Variants in ASH1L observed in about 807,000 individuals in gnomAD.
ASH1L encodes the protein histone-lysine N-methyltransferase ASH1L.
In ASH1L, 23 loss-of-function variants were observed where a neutral mutation model predicts 269.0. That is an observed-to-expected ratio of 0.09 (90% CI 0.06 to 0.12). The LOEUF (loss-of-function observed/expected upper bound fraction) is 0.12. ASH1L is among the 10% of genes least tolerant of loss of function. The probability of loss-of-function intolerance (pLI) is 1.00; values close to 1 mark genes in which losing one functional copy is unlikely to be tolerated. For missense variants in ASH1L, 2,912 were observed against 3,567.8 expected (o/e 0.82, Z 4.68); for synonymous variants, 1,187 against 1,253.5 (o/e 0.95, Z 1.12).
chr1:155,512,064 G>C (rs1256338803), intron 2 of ASH1L, among the ~76,000 whole-genome samples: 1 of 151,970 alleles, frequency 6.6e-6, no homozygotes, highest in Non-Finnish European at 1.5e-5. Context: ...CACCCGCCTG[G>C]GTCTCCCAAA....
At position 155,354,480 on chromosome 1, in the gene ASH1L, G is replaced by C. The variant is rs1396676210; in HGVS notation, c.7206C>G (p.Ile2402Met). Reference sequence around the variant, plus strand: ...ATGTTTCAAATGCCTTACCAGACTTGATATTCCCATCATCTCGGCAGATCC... The same window carrying C: ...ATGTTTCAAATGCCTTACCAGACTTCATATTCCCATCATCTCGGCAGATCC... ...WNGICRDDGN[I>M]KSDVFMTQFS... The change falls in exon 16 of 28, where the codon ATC becomes ATG. Residue 2402 changes from isoleucine to methionine, a missense_variant. Around this residue, in one of 13 missense-constraint regions of ASH1L, gnomAD observed 309 missense variants for 435.1 expected, o/e 0.71. Coordinates refer to ENST00000392403, the MANE Select transcript of ASH1L (RefSeq NM_018489.3). 6.2e-7 allele frequency: 1 copy of C among 1,606,548 alleles called. No homozygotes were observed. Among genetic ancestry groups the C allele is most frequent in the Non-Finnish European group, 8.5e-7 (1 of 1,178,160 alleles).
intron 15 of ASH1L, among the ~76,000 whole-genome samples, chr1:155,356,854 C>T (rs982300233): frequency 6.6e-6 from 1 of 150,652 alleles, no homozygotes; most frequent in Non-Finnish European, 1.5e-5. Flanking sequence ...CTTGGGAGAT[C>T]GGGGCAGGAG....
rs148908051 is a variant in ASH1L, at chr1:155,477,376, T to A, written c.4984+510A>T. Among the ~76,000 whole-genome samples the A allele has an allele frequency of 5.8e-3, 890 of 152,342 alleles. 7 individuals carry two copies. The highest frequency in any genetic ancestry group is 0.02 in the African/African-American group (834 of 41,584). On this transcript the variant is annotated intron_variant, in intron 3 of 27. Transcript: ENST00000392403. ...ATGAATATTCAGTTAAATTTTACAA[T>A]GCTGAAAATGTCCAATGTTTGAATT...
intron 2 of ASH1L, among the ~76,000 whole-genome samples, chr1:155,493,757 C>A (rs923109389): frequency 8.5e-5 from 13 of 152,078 alleles, no homozygotes; most frequent in African/African-American, 3.1e-4. Context: ...GCCTGTAATC[C>A]CAGCTACTTG....
At chr1:155,497,751 CTTT>C (rs59853262) in intron 2 of ASH1L, among the ~76,000 whole-genome samples, 4 of 137,224 alleles carry the variant, frequency 2.9e-5, no homozygotes, top group Non-Finnish European at 1.6e-5. Context: ...GAAGAAAATT[CTTT>C]TTTTTTTTTT....
intron 12 of ASH1L, 172 bp downstream of exon 12, chr1:155,370,332 T>A: frequency 5.5e-6 from 4 of 725,494 alleles, no homozygotes; most frequent in South Asian, 1.9e-5. Flanking sequence ...TGTCTGGGAG[T>A]GAGAAGTTAG....
Position 155,562,198 on chromosome 1 carries a change from G to T in ASH1L, c.-145C>A. 6.2e-7 allele frequency: 1 copy of T among 1,608,214 alleles called. No individual in the cohort carries two copies. The highest frequency in any genetic ancestry group is 8.5e-7 in the Non-Finnish European group (1 of 1,175,198). On this transcript the variant is annotated 5_prime_UTR_variant, in exon 1 of 28. Transcript: ENST00000392403. ...AGGCCGAGAGCGATGAGAGTGCAGG[G>T]AAGTGGGGAAGAGGGGGTGGCCGCC...
chr1:155,406,152 T>C (rs550196518), intron 6 of ASH1L, among the ~76,000 whole-genome samples: 6 of 133,988 alleles, frequency 4.5e-5, no homozygotes, highest in Admixed American at 1.7e-4. Context: ...TGCAGTGAGC[T>C]AAGATGGTGC....
At chr1:155,516,703 G>A (rs1173718475) in intron 2 of ASH1L, among the ~76,000 whole-genome samples, 1 of 151,544 alleles carries the variant, frequency 6.6e-6, no homozygotes, top group African/African-American at 2.4e-5. Flanking sequence ...CAGGAGTTTG[G>A]GGCTACAATG....
At chr1:155,530,699 G>A (rs1167134225) in intron 1 of ASH1L, among the ~76,000 whole-genome samples, 1 of 151,644 alleles carries the variant, frequency 6.6e-6, no homozygotes, top group African/African-American at 2.4e-5. Context: ...CTGTGCCACT[G>A]CACTCCAGCC....
intron 5 of ASH1L, among the ~76,000 whole-genome samples, chr1:155,437,372 C>G (rs897922345): frequency 5.3e-5 from 8 of 151,960 alleles, no homozygotes; most frequent in African/African-American, 1.9e-4. Context: ...CATTAGGGAA[C>G]AGCAAATTAA....
intron 6 of ASH1L, 34 bp from the exon 7 acceptor site, chr1:155,395,587 G>A (rs1476492328): frequency 1.9e-6 from 3 of 1,544,520 alleles, no homozygotes; most frequent in African/African-American, 1.4e-5. Context: ...ACAGTCAAGA[G>A]GCAAAGAAAT....
At chr1:155,348,483 C>A (rs1207203973) in intron 19 of ASH1L, among the ~76,000 whole-genome samples, 1 of 152,088 alleles carries the variant, frequency 6.6e-6, no homozygotes, top group African/African-American at 2.4e-5. Context: ...ATGCACCATA[C>A]AATAGTCCAT....
intron 1 of ASH1L, among the ~76,000 whole-genome samples, chr1:155,537,532 TGAATGTAA>T (rs1558204589): frequency 6.6e-6 from 1 of 152,206 alleles, no homozygotes; most frequent in African/African-American, 2.4e-5. Context: ...GAACTTGGAT[TGAATGTAA>T]TCTTCTCACT....
intron 1 of ASH1L, among the ~76,000 whole-genome samples, chr1:155,528,896 A>G (rs1319977403): frequency 6.6e-6 from 1 of 151,706 alleles, no homozygotes; most frequent in African/African-American, 2.4e-5. Context: ...GTTCCCCTCT[A>G]TGTGTCCATG....
chr1:155,475,036 T>C (rs1665428006), intron 3 of ASH1L, among the ~76,000 whole-genome samples: 1 of 152,244 alleles, frequency 6.6e-6, no homozygotes, highest in Admixed American at 6.5e-5. Flanking sequence ...GCCACATTTC[T>C]CACTACTCTC....
At position 155,562,708 on chromosome 1, in the gene ASH1L, C is replaced by T. The variant is rs1270590406; in HGVS notation, c.-655G>A. ...GCCCGTACGCGCTCACCCACAGGAACCCCCTCGTCCAGTCCCTCACTACCC... is the reference window on the plus strand; with the variant it reads ...GCCCGTACGCGCTCACCCACAGGAATCCCCTCGTCCAGTCCCTCACTACCC... On this transcript the variant is annotated 5_prime_UTR_variant, in exon 1 of 28. Transcript: ENST00000392403. 6 of 1,472,824 alleles carry T rather than the reference C, an allele frequency of 4.1e-6. No individual in the cohort carries two copies. The African/African-American group carries it at 8.4e-5, about 21-fold the overall frequency. 91.2% of individuals were successfully genotyped at this position (1,472,824 alleles called of 1,614,324 possible). A position where few individuals can be genotyped will look rare whatever the true frequency, so the allele number is the denominator to read the frequency against.
chr1:155,524,867 G>A (rs1451973762), intron 1 of ASH1L, among the ~76,000 whole-genome samples: 1 of 151,150 alleles, frequency 6.6e-6, no homozygotes, highest in African/African-American at 2.4e-5. Flanking sequence ...ATTAGGGAAG[G>A]GAGAAAAAAT....
intron 1 of ASH1L, among the ~76,000 whole-genome samples, chr1:155,555,610 G>A (rs1047757379): frequency 1.3e-5 from 2 of 151,336 alleles, no homozygotes; most frequent in African/African-American, 4.9e-5. Flanking sequence ...GAAACCCTTT[G>A]TTTCTCTCTT....
Sources: allele counts gnomAD v4.1 joint callset (sites outside exome capture counted in the v4.1 genomes callset), GRCh38; gene constraint gnomAD v4.1.1; regional missense constraint gnomAD v4.1.1; transcripts MANE v1.5; gene names NCBI Gene and HGNC (gene_info 2026-07-23, HGNC 2026-07-21).